The following RPL11 variants were observed in gnomAD, a reference collection of about 807,000 sequenced individuals.
RPL11 encodes the protein ribosomal protein L11.
RPL11 carries 3 observed loss-of-function variants against 24.1 expected under a neutral mutation model. That is an observed-to-expected ratio of 0.12 (90% CI 0.06 to 0.32). The LOEUF (loss-of-function observed/expected upper bound fraction) is 0.32, where lower values mean the gene tolerates loss of function less well. Ranked by LOEUF, RPL11 falls within the 10% of genes least tolerant of loss-of-function variation. RPL11 has a pLI of 1.00. For missense variants in RPL11, 146 were observed against 225.7 expected, an observed-to-expected ratio of 0.65 and a Z score of 2.26; for synonymous variants, 96 against 75.7, an observed-to-expected ratio of 1.27 and a Z score of -1.39.
In RPL11 at chr1:23,696,514, A is replaced by C. The variant is rs536775604; in HGVS notation, c.*141A>C. The stretch of plus-strand genomic sequence containing the variant: ...AAAGCTTCGATGGGAGTAGCTGGTA[A>C]CAACCCCGTCATCCTCTGATTGGAT... On this transcript the variant is annotated 3_prime_UTR_variant, in exon 6 of 6. Transcript: ENST00000643754. 1 of 781,732 alleles carries C rather than the reference A, an allele frequency of 1.3e-6. No homozygotes were observed. Among genetic ancestry groups the C allele is most frequent in the Non-Finnish European group, 2.2e-6 (1 of 448,232 alleles). 48.4% of individuals were successfully genotyped at this position (781,732 alleles called of 1,614,324 possible). A position where few individuals can be genotyped will look rare whatever the true frequency, so the allele number is the denominator to read the frequency against.
Position 23,695,404 on chromosome 1 carries a change from T to C in RPL11, c.397-394T>C, listed in dbSNP as rs1644527361. On this transcript the variant is annotated intron_variant, in intron 4 of 5. Coordinates refer to ENST00000643754, the MANE Select transcript of RPL11 (RefSeq NM_000975.5). ...AACAGCACACCTTTGGGAAGCATTT[T>C]TGAGCTGAAGCAGAAGGAAGAAAAT... The C allele has an allele frequency of 1.7e-5, 5 of 295,528 alleles. No homozygotes were observed. The South Asian group carries it at 1.7e-4, about 10-fold the overall frequency. 18.3% of individuals were successfully genotyped at this position (295,528 alleles called of 1,614,324 possible). A position where few individuals can be genotyped will look rare whatever the true frequency, so the allele number is the denominator to read the frequency against.
rs1376876723 is a variant in RPL11 at position 23,691,846 on chromosome 1, T to A, written c.6+17T>A. 2 of 1,614,232 alleles carry A rather than the reference T, an allele frequency of 1.2e-6. No homozygotes were observed. Among genetic ancestry groups the A allele is most frequent in the Admixed American group, 3.3e-5 (2 of 60,030 alleles). On this transcript the variant is annotated intron_variant, in intron 1 of 5. Coordinates refer to ENST00000643754, the MANE Select transcript of RPL11 (RefSeq NM_000975.5). ...ATCATGGCGGTGAGTAGCTGGGACC[T>A]GGATTTGCTTTCCTTTATCCGTCGC...
chr1:23,695,624 GT>G (rs1159506548), intron 4 of RPL11, 173 bp from the exon 5 acceptor site: 1 of 674,844 alleles, frequency 1.5e-6, no homozygotes, highest in Non-Finnish European at 2.7e-6. Context: ...CAGTATGGCT[GT>G]GTGTTGCGTG....
rs778931846 is a variant in RPL11 at position 23,693,952 on chromosome 1, C to G, written c.264+39C>G. ...CCTAATGGAGTGATATTGATCAGCA[C>G]TCCTTTAGTAACACATGTAGATAAG... is the stretch of plus-strand genomic sequence containing the variant. On this transcript the variant is annotated intron_variant, in intron 3 of 5. Coordinates refer to ENST00000643754, the MANE Select transcript of RPL11 (RefSeq NM_000975.5). The G allele has an allele frequency of 3.6e-6, 5 of 1,388,386 alleles. No individual in the cohort carries two copies. The South Asian group carries it at 5.8e-5, about 16-fold the overall frequency. 86.0% of individuals were successfully genotyped at this position (1,388,386 alleles called of 1,614,324 possible).
intron 2 of RPL11, 35 bp downstream of exon 2, chr1:23,692,794 C>T: frequency 6.2e-7 from 1 of 1,611,396 alleles, no homozygotes; most frequent in East Asian, 2.2e-5. Context: ...GGTTTGCCTG[C>T]TTGGGTCGCT....
chr1:23,695,899 C>G lies in RPL11; in HGVS notation c.498C>G (p.Phe166Leu). 1 of 1,579,514 alleles carries G rather than the reference C, an allele frequency of 6.3e-7. No individual in the cohort carries two copies. The highest frequency in any genetic ancestry group is 1.2e-5 in the South Asian group (1 of 85,990). The change falls in exon 5 of 6, where the codon TTC becomes TTG. Residue 166 changes from phenylalanine (F) to leucine (L), a missense_variant. Coordinates refer to ENST00000643754, the MANE Select transcript of RPL11 (RefSeq NM_000975.5). ...GCAAAGAGGAGGCCATGCGCTGGTT[C>G]CAGCAGAAGGTAAAGCTGATTTATC... is the stretch of plus-strand genomic sequence containing the variant. ...RISKEEAMRW[F>L]QQKYDGIILP...
At position 23,694,755 on chromosome 1, in the gene RPL11, C is replaced by T. The variant is rs1473542171; in HGVS notation, c.360C>T (p.Asp120=). ...ACATCGATCTGGGTATCAAATATGA[C>T]CCAAGCATTGGTATCTACGGCCTGG... The part of the protein sequence containing the change: ...QEHIDLGIKY[D]PSIGIYGLDF... Residue 120 remains aspartate, a synonymous_variant, in exon 4 of 6, where the codon GAC becomes GAT. Coordinates refer to ENST00000643754, the MANE Select transcript of RPL11 (RefSeq NM_000975.5). The T allele has an allele frequency of 1.9e-5, 31 of 1,614,042 alleles. No homozygotes were observed. The highest frequency in any genetic ancestry group is 2.5e-5 in the Non-Finnish European group (29 of 1,180,038).
At chr1:23,695,323 G>A in intron 4 of RPL11, 1 of 270,966 alleles carries the variant, frequency 3.7e-6, no homozygotes, top group Non-Finnish European at 7.2e-6. Flanking sequence ...AAAGATGGTG[G>A]CACCCTCATT....
At chr1:23,693,507 A>G (rs147372078) in intron 2 of RPL11, among the ~76,000 whole-genome samples, 157 of 152,316 alleles carry the variant, frequency 1.0e-3, no homozygotes, top group African/African-American at 3.7e-3. Flanking sequence ...TTGGAACATG[A>G]TAATCTTACT....
In RPL11 at chr1:23,696,542, CAGTATTTCCTGGCAGAT is replaced by C. The variant is rs1644533812; in HGVS notation, c.*170_*186del. ...ACCCCGTCATCCTCTGATTGGATGC[CAGTATTTCCTGGCAGAT>C]CCAAGTCCAAGCTTCATAGCATTCA... On this transcript the variant is annotated 3_prime_UTR_variant, in exon 6 of 6. Transcript: ENST00000643754. The C allele has an allele frequency of 8.7e-6, 6 of 691,474 alleles. No homozygotes were observed. Among genetic ancestry groups the C allele is most frequent in the Non-Finnish European group, 1.6e-5 (6 of 385,352 alleles). 42.8% of individuals were successfully genotyped at this position (691,474 alleles called of 1,614,324 possible).
intron 1 of RPL11, 41 bp downstream of exon 1, chr1:23,691,870 G>T: frequency 6.2e-7 from 1 of 1,613,990 alleles, no homozygotes; most frequent in South Asian, 1.1e-5. Flanking sequence ...TTTATCCGTC[G>T]CCATCCATGG....
At position 23,692,024 on chromosome 1, in the gene RPL11, C is replaced by G. The variant is rs1410118317; in HGVS notation, c.6+195C>G. ...ACTTTCCCTGCCATCGTTTTAGGAG[C>G]GGCTCCGGGCACTTGCCCGGAGTGC... is the stretch of plus-strand genomic sequence containing the variant. On this transcript the variant is annotated intron_variant, in intron 1 of 5. Transcript: ENST00000643754. 3 of 744,856 alleles carry G rather than the reference C, an allele frequency of 4.0e-6. No homozygotes were observed. In the South Asian group the frequency reaches 5.0e-5, roughly 13 times the overall value. The allele number at this position is 744,856 out of a possible 1,614,324, so 46.1% of individuals were successfully genotyped here.
chr1:23,693,736 G>A (rs1221372983), intron 2 of RPL11, 71 bp from the exon 3 acceptor site: 1 of 996,798 alleles, frequency 1.0e-6, no homozygotes, highest in Non-Finnish European at 1.6e-6. Context: ...CATGGAGATG[G>A]TGTTCTGGGA....
chr1:23,695,539 G>A (rs1454575172), intron 4 of RPL11: 4 of 524,698 alleles, frequency 7.6e-6, no homozygotes, highest in South Asian at 6.2e-5. Flanking sequence ...AGCAGTAATG[G>A]AGGATCCTCA....
intron 5 of RPL11, among the ~76,000 whole-genome samples, chr1:23,696,111 G>C (rs561892112): frequency 2.3e-4 from 35 of 152,302 alleles, no homozygotes; most frequent in African/African-American, 8.4e-4. Context: ...CACCATGAAT[G>C]GGGGTAGATG....
At chr1:23,696,018 T>A (rs1166123143) in intron 5 of RPL11, 110 bp downstream of exon 5, 1 of 1,114,058 alleles carries the variant, frequency 9.0e-7, no homozygotes, top group African/African-American at 1.5e-5. Flanking sequence ...TCTTTAAAGT[T>A]AGAATATTGG....
At chr1:23,692,556 A>AACACT in intron 1 of RPL11, 53 bp from the exon 2 acceptor site, 2 of 1,612,148 alleles carry the variant, frequency 1.2e-6, no homozygotes, top group Non-Finnish European at 1.7e-6. Flanking sequence ...AAAGTAGTAA[A>AACACT]ACTCAGGGCC....
chr1:23,692,612 G>C lies in RPL11; in HGVS notation c.10G>C (p.Asp4His), dbSNP rs1408234017. 2.5e-6 allele frequency: 4 copies of C among 1,614,022 alleles called. No homozygotes were observed. In the Admixed American group the frequency reaches 6.7e-5, roughly 27 times the overall value. Residue 4 changes from aspartate to histidine, a missense_variant, in exon 2 of 6, where the codon GAT (aspartate) becomes CAT (histidine). Transcript: ENST00000643754. MAQ[D>H]QGEKENPMRE... ...CTGCTGCTCTTCCCTGTTGCAGCAG[G>C]ATCAAGGTGAAAAGGAGAACCCCAT...
rs762570539 is a variant in RPL11 at position 23,692,778 on chromosome 1, A to G, written c.157+19A>G. 1 of 1,612,606 alleles carries G rather than the reference A, an allele frequency of 6.2e-7. No homozygotes were observed. The highest frequency in any genetic ancestry group is 8.5e-7 in the Non-Finnish European group (1 of 1,179,796). On this transcript the variant is annotated intron_variant, in intron 2 of 5. Transcript: ENST00000643754. ...TCCAAAGGTGAGTAGTCACAAGGACATACAGGGTTTGCCTGCTTGGGTCGC... is the reference window on the plus strand; with the variant it reads ...TCCAAAGGTGAGTAGTCACAAGGACGTACAGGGTTTGCCTGCTTGGGTCGC...
Sources: gnomAD v4.1 joint callset for allele counts (sites outside exome capture counted in the v4.1 genomes callset) on GRCh38, gnomAD v4.1.1 for gene constraint, MANE v1.5 for transcripts, NCBI Gene and HGNC (gene_info 2026-07-23, HGNC 2026-07-21) for gene names.